Variants in GLYATL2 observed in about 807,000 individuals in gnomAD.
GLYATL2 encodes glycine N-acyltransferase-like protein 2.
GLYATL2 carries 25 observed loss-of-function variants against 21.4 expected under a neutral mutation model. That is an observed-to-expected ratio of 1.17 (90% CI 0.85 to 1.63). The LOEUF (loss-of-function observed/expected upper bound fraction) is 1.63. Among genes scored for constraint, GLYATL2 ranks in the 40% most tolerant of loss-of-function variants. GLYATL2 has a pLI of 0.00. For missense variants in GLYATL2, 361 were observed against 343.3 expected (o/e 1.05, Z -0.41); for synonymous variants, 114 against 118.2 (o/e 0.96, Z 0.23).
chr11:58,896,334 C>T (rs1488567601), intron 1 of GLYATL2, among the ~76,000 whole-genome samples: 1 of 152,190 alleles, frequency 6.6e-6, no homozygotes, highest in Non-Finnish European at 1.5e-5. Context: ...CCTCCTCAAG[C>T]TCATCTATAA....
chr11:58,836,424 A>G (rs1352376354), intron 5 of GLYATL2, among the ~76,000 whole-genome samples: 4 of 152,182 alleles, frequency 2.6e-5, no homozygotes, highest in Non-Finnish European at 1.5e-5. Flanking sequence ...AAATCTTGCC[A>G]TCCAGTTTGT....
intron 1 of GLYATL2, among the ~76,000 whole-genome samples, chr11:58,899,233 A>G (rs752698943): frequency 1.3e-5 from 2 of 152,086 alleles, no homozygotes; most frequent in Non-Finnish European, 2.9e-5. Flanking sequence ...ATGAATGGAC[A>G]TTCCCTGATC....
chr11:58,860,825 A>T (rs1853917621), intron 1 of GLYATL2, among the ~76,000 whole-genome samples: 1 of 152,058 alleles, frequency 6.6e-6, no homozygotes, highest in Non-Finnish European at 1.5e-5. Context: ...GGTGAGCTTT[A>T]TCAAATGCTT....
chr11:58,879,034 A>G (rs1431323277), intron 1 of GLYATL2, among the ~76,000 whole-genome samples: 1 of 152,168 alleles, frequency 6.6e-6, no homozygotes, highest in East Asian at 1.9e-4. Context: ...GTAAACAATC[A>G]TGGGACATGG....
chr11:58,858,468 TAAAA>T lies in GLYATL2; in HGVS notation n.61-20104_61-20101del, dbSNP rs5792132. Among the ~76,000 whole-genome samples the T allele has an allele frequency of 7.3e-4, 110 of 151,202 alleles. 1 individual carries two copies. Among genetic ancestry groups the T allele is most frequent in the East Asian group, 2.9e-3 (15 of 5,142 alleles). ...TTAAAGATGAAGAATTGGGCTTTTTTAAAAAAAAAAAAAATTGGATCAAATAAGC... is the reference window on the plus strand; with the variant it reads ...TTAAAGATGAAGAATTGGGCTTTTTTAAAAAAAAAATTGGATCAAATAAGC... On this transcript the variant is annotated intron_variant and non_coding_transcript_variant, in intron 1 of 4. Coordinates refer to the GLYATL2 transcript ENST00000533636.
the GLYATL2 span, among the ~76,000 whole-genome samples, chr11:58,909,645 C>T: frequency 0.011 from 1,684 of 152,140 alleles, 40 homozygotes; most frequent in African/African-American, 0.039. Flanking sequence ...ATATATTTGG[C>T]GAATAAGACA....
At chr11:58,901,932 A>G (rs1291310763) in intron 1 of GLYATL2, among the ~76,000 whole-genome samples, 7 of 152,176 alleles carry the variant, frequency 4.6e-5, no homozygotes. Context: ...GTCCCAAACC[A>G]TGTAAACCTC....
At chr11:58,909,000 G>A (rs1383244589), upstream of GLYATL2, among the ~76,000 whole-genome samples, 3 of 152,144 alleles carry the variant, frequency 2.0e-5, no homozygotes, top group Non-Finnish European at 2.9e-5. Context: ...TCAGAGCAAG[G>A]ATCTGAACCC....
intron 1 of GLYATL2, among the ~76,000 whole-genome samples, chr11:58,895,125 C>T (rs1329874913): frequency 6.6e-6 from 1 of 152,166 alleles, no homozygotes. Context: ...CTGTCCCTTC[C>T]CTGAATGCAA....
chr11:58,852,528 A>G (rs1390781720), intron 1 of GLYATL2, among the ~76,000 whole-genome samples: 4 of 152,204 alleles, frequency 2.6e-5, no homozygotes, highest in African/African-American at 9.6e-5. Context: ...CTATGAGGTA[A>G]TCATTACTAT....
chr11:58,879,608 T>C (rs761628778), intron 1 of GLYATL2, among the ~76,000 whole-genome samples: 1 of 152,200 alleles, frequency 6.6e-6, no homozygotes, highest in Non-Finnish European at 1.5e-5. Context: ...ATTCCATTTA[T>C]ATTAAGTACC....
intron 2 of GLYATL2, 66 bp from the exon 3 acceptor site, chr11:58,838,434 G>C: frequency 3.0e-6 from 3 of 1,003,654 alleles, no homozygotes; most frequent in Non-Finnish European, 4.6e-6. Flanking sequence ...CTTATATGTG[G>C]AGAAATAAGA....
At chr11:58,881,185 C>T (rs1329705265) in intron 1 of GLYATL2, among the ~76,000 whole-genome samples, 6 of 152,118 alleles carry the variant, frequency 3.9e-5, no homozygotes, top group Non-Finnish European at 8.8e-5. Flanking sequence ...ATATGTATTA[C>T]ATTGTGTAAT....
chr11:58,903,968 T>G (rs1166206513), intron 1 of GLYATL2, among the ~76,000 whole-genome samples: 2 of 152,186 alleles, frequency 1.3e-5, no homozygotes, highest in Non-Finnish European at 2.9e-5. Flanking sequence ...AGCATCTCCT[T>G]CCTCAGACTT....
At chr11:58,878,732 G>C (rs1001952380) in intron 1 of GLYATL2, among the ~76,000 whole-genome samples, 10 of 152,092 alleles carry the variant, frequency 6.6e-5, no homozygotes, top group Non-Finnish European at 1.3e-4. Context: ...CAGTATTTTA[G>C]GTAAAAATGG....
At chr11:58,900,494 C>T (rs1025564152) in intron 1 of GLYATL2, among the ~76,000 whole-genome samples, 3 of 152,226 alleles carry the variant, frequency 2.0e-5, no homozygotes, top group Non-Finnish European at 4.4e-5. Context: ...TCCCGCCCGG[C>T]AGCTCCCCGC....
chr11:58,909,110 A>G (rs899700730), upstream of GLYATL2, among the ~76,000 whole-genome samples: 1 of 152,202 alleles, frequency 6.6e-6, no homozygotes, highest in Non-Finnish European at 1.5e-5. Flanking sequence ...GTGATTTTAG[A>G]GTACAGAGAG....
At chr11:58,886,614 T>C (rs150158687) in intron 1 of GLYATL2, among the ~76,000 whole-genome samples, 203 of 152,324 alleles carry the variant, frequency 1.3e-3, no homozygotes, top group African/African-American at 4.7e-3. Flanking sequence ...TAATTTTAAA[T>C]AGTATCTACC....
At chr11:58,881,256 T>C (rs2134611849) in intron 1 of GLYATL2, among the ~76,000 whole-genome samples, 1 of 152,302 alleles carries the variant, frequency 6.6e-6, no homozygotes, top group South Asian at 2.1e-4. Context: ...GAAAACACTT[T>C]GAGGTTCTGA....
Sources: gnomAD v4.1 joint callset for allele counts (sites outside exome capture counted in the v4.1 genomes callset) on GRCh38, gnomAD v4.1.1 for gene constraint, MANE v1.5 for transcripts, NCBI Gene and HGNC (gene_info 2026-07-23, HGNC 2026-07-21) for gene names.